Variants in CADPS2 observed in about 807,000 individuals in gnomAD.
CADPS2 encodes calcium-dependent secretion activator 2.
CADPS2 carries 93 observed loss-of-function variants against 172.5 expected under a neutral mutation model. That is an observed-to-expected ratio of 0.54 (90% confidence interval 0.46 to 0.64). The LOEUF is 0.64. Among genes scored for constraint, CADPS2 ranks in the 30% least tolerant of loss-of-function variants. CADPS2 has a pLI of 0.00. For missense variants in CADPS2, 1,420 were observed against 1,565.9 expected (o/e 0.91, Z 1.57); for synonymous variants, 546 against 555.2 (o/e 0.98, Z 0.23).
chr7:122,727,541 T>G (rs1227968955), intron 2 of CADPS2, among the ~76,000 whole-genome samples: 1 of 151,686 alleles, frequency 6.6e-6, no homozygotes, highest in Non-Finnish European at 1.5e-5. Context: ...TGCCACAAAT[T>G]TGCTAAGTAG....
chr7:122,877,514 C>T (rs1455578693), intron 1 of CADPS2, among the ~76,000 whole-genome samples: 1 of 151,978 alleles, frequency 6.6e-6, no homozygotes, highest in Admixed American at 6.6e-5. Flanking sequence ...CTAAAAGGAT[C>T]AACACTGAAG....
chr7:122,554,328 G>A (rs1045998684), intron 8 of CADPS2, among the ~76,000 whole-genome samples: 1 of 151,976 alleles, frequency 6.6e-6, no homozygotes, highest in African/African-American at 2.4e-5. Flanking sequence ...TTCCAATATC[G>A]TGGTAGCTCG....
intron 13 of CADPS2, among the ~76,000 whole-genome samples, chr7:122,473,393 T>A (rs2056228640): frequency 6.6e-6 from 1 of 152,230 alleles, no homozygotes; most frequent in South Asian, 2.1e-4. Context: ...CAAGAATTCA[T>A]GAATTAAACT....
intron 3 of CADPS2, among the ~76,000 whole-genome samples, chr7:122,645,236 T>C (rs1448373506): frequency 2.2e-3 from 6 of 2,764 alleles, no homozygotes; most frequent in Admixed American, 0.015. Context: ...GCTAAGTATA[T>C]ATATACACAC....
At chr7:122,673,299 T>A (rs1280105694) in intron 2 of CADPS2, among the ~76,000 whole-genome samples, 1 of 152,200 alleles carries the variant, frequency 6.6e-6, no homozygotes, top group Non-Finnish European at 1.5e-5. Flanking sequence ...TCTGGCCCCA[T>A]CCACATCCTG....
intron 5 of CADPS2, among the ~76,000 whole-genome samples, chr7:122,615,842 T>C (rs2074848009): frequency 6.6e-6 from 1 of 152,086 alleles, no homozygotes; most frequent in Non-Finnish European, 1.5e-5. Context: ...CTGTGTCTTA[T>C]TAAATAGAAA....
chr7:122,551,205 C>T (rs890473389), intron 8 of CADPS2, among the ~76,000 whole-genome samples: 7 of 151,978 alleles, frequency 4.6e-5, no homozygotes, highest in Non-Finnish European at 8.8e-5. Flanking sequence ...CATTTTTTTA[C>T]ATTAAAATTA....
intron 15 of CADPS2, among the ~76,000 whole-genome samples, chr7:122,447,655 G>A (rs955110846): frequency 7.0e-6 from 1 of 143,288 alleles, no homozygotes; most frequent in Non-Finnish European, 1.5e-5. Context: ...CTAGGTTCAA[G>A]CAATTTTCAT....
chr7:122,865,737 G>A (rs1202269140), intron 1 of CADPS2, among the ~76,000 whole-genome samples: 1 of 152,184 alleles, frequency 6.6e-6, no homozygotes, highest in Non-Finnish European at 1.5e-5. Flanking sequence ...AGGGGGAAAA[G>A]GAAAATGAGA....
At chr7:122,334,924 C>A (rs2035603392) in intron 28 of CADPS2, among the ~76,000 whole-genome samples, 1 of 152,136 alleles carries the variant, frequency 6.6e-6, no homozygotes, top group South Asian at 2.1e-4. Context: ...ACTGTATTCC[C>A]AGCCTCTAGC....
intron 7 of CADPS2, among the ~76,000 whole-genome samples, chr7:122,580,895 C>G (rs1306924342): frequency 6.6e-6 from 1 of 152,112 alleles, no homozygotes; most frequent in African/African-American, 2.4e-5. Context: ...CAGCACCATT[C>G]ACATTCAATG....
At chr7:122,533,085 T>A (rs1401853315) in intron 8 of CADPS2, among the ~76,000 whole-genome samples, 1 of 152,154 alleles carries the variant, frequency 6.6e-6, no homozygotes, top group African/African-American at 2.4e-5. Flanking sequence ...TGGGGCTAAG[T>A]AACCCTCAAA....
chr7:122,884,126 G>A (rs1239779586), intron 1 of CADPS2, among the ~76,000 whole-genome samples: 1 of 152,096 alleles, frequency 6.6e-6, no homozygotes, highest in African/African-American at 2.4e-5. Context: ...ATATTCCAAG[G>A]AGAAAATAGT....
chr7:122,431,210 T>C (rs550510027), intron 17 of CADPS2, among the ~76,000 whole-genome samples: 18 of 152,370 alleles, frequency 1.2e-4, no homozygotes, highest in African/African-American at 4.1e-4. Context: ...ATTATGTAGC[T>C]TGATAAATTC....
At chr7:122,850,434 T>C in intron 1 of CADPS2, 1 of 268,218 alleles carries the variant, frequency 3.7e-6, no homozygotes, top group Non-Finnish European at 7.3e-6. Flanking sequence ...CACTTATGGA[T>C]TCTTCTGAGG....
Position 122,590,015 on chromosome 7 carries a change from T to C in CADPS2, c.1224-8725A>G, listed in dbSNP as rs113219901. Reference sequence around the variant, plus strand: ...ACTTATCCGTCACCAAAACATTTCCTTATTTAAGATGTTTGCACTATGCAA... The same window carrying C: ...ACTTATCCGTCACCAAAACATTTCCCTATTTAAGATGTTTGCACTATGCAA... On this transcript the variant is annotated intron_variant, in intron 6 of 29. Coordinates refer to ENST00000449022, the MANE Select transcript of CADPS2 (RefSeq NM_017954.11). 3.4e-3 allele frequency among the ~76,000 whole-genome samples: 510 copies of C among 152,024 alleles called. 5 individuals carry two copies. The highest frequency in any genetic ancestry group is 0.012 in the African/African-American group (489 of 41,534).
rs528328828 is a variant in CADPS2, at chr7:122,430,341, C to G, written c.2476+8000G>C. Among the ~76,000 whole-genome samples the G allele has an allele frequency of 4.6e-5, 7 of 152,278 alleles. No homozygotes were observed. In the South Asian group the frequency reaches 1.5e-3, roughly 32 times the overall value. On this transcript the variant is annotated intron_variant, in intron 17 of 29. Coordinates refer to ENST00000449022, the MANE Select transcript of CADPS2 (RefSeq NM_017954.11). ...CTTTTATATCTTAAATCACAATATG[C>G]TATATAATTTTCAGGAAACAGTAGG...
intron 2 of CADPS2, among the ~76,000 whole-genome samples, chr7:122,731,355 A>C (rs1281323248): frequency 1.3e-5 from 2 of 151,772 alleles, no homozygotes; most frequent in Non-Finnish European, 3.0e-5. Flanking sequence ...CCTTTTGGAA[A>C]TCTACAAGAG....
At chr7:122,519,095 G>A (rs562400836) in intron 8 of CADPS2, among the ~76,000 whole-genome samples, 23 of 152,108 alleles carry the variant, frequency 1.5e-4, no homozygotes, top group Non-Finnish European at 3.2e-4. Flanking sequence ...GGGTTGGGGC[G>A]GGGGAGGGAA....
Sources: allele counts gnomAD v4.1 joint callset (sites outside exome capture counted in the v4.1 genomes callset), GRCh38; gene constraint gnomAD v4.1.1; transcripts MANE v1.5; gene names NCBI Gene and HGNC (gene_info 2026-07-23, HGNC 2026-07-21).